The following ATP5F1A variants were observed in gnomAD, a reference collection of about 807,000 sequenced individuals.
ATP5F1A encodes the protein ATP synthase F(1) complex subunit alpha, mitochondrial.
In ATP5F1A, 24 loss-of-function variants were observed where a neutral mutation model predicts 57.4. That is an observed-to-expected ratio of 0.42 (90% CI 0.30 to 0.59). The LOEUF (loss-of-function observed/expected upper bound fraction) is 0.59. Among genes scored for constraint, ATP5F1A ranks in the 20% least tolerant of loss-of-function variants. ATP5F1A has a pLI of 0.19. For synonymous variants in ATP5F1A, 251 were observed against 255.5 expected (o/e 0.98, Z 0.17); for missense variants, 494 against 707.9 (o/e 0.70, Z 3.43).
chr18:46,086,593 T>G, intron 8 of ATP5F1A, 99 bp from the exon 9 acceptor site: 1 of 1,159,328 alleles, frequency 8.6e-7, no homozygotes, highest in Non-Finnish European at 1.2e-6. Context: ...ACTCAAAACC[T>G]AACAATGCAA....
chr18:46,087,983 T>G, intron 6 of ATP5F1A, 126 bp downstream of exon 6: 1 of 1,011,762 alleles, frequency 9.9e-7, no homozygotes, highest in Non-Finnish European at 1.5e-6. Context: ...TACCTACTGA[T>G]TTGTATTAAA....
At chr18:46,097,740 T>C in intron 1 of ATP5F1A, 1 of 846,190 alleles carries the variant, frequency 1.2e-6, no homozygotes, top group Non-Finnish European at 1.4e-6. Flanking sequence ...CTTCACACAA[T>C]GTCAGACTCC....
chr18:46,103,376 G>A (rs140720006), intron 1 of ATP5F1A, among the ~76,000 whole-genome samples: 11,096 of 151,636 alleles, frequency 0.073, 497 homozygotes, highest in African/African-American at 0.13. Context: ...CAAGGCGGGC[G>A]GATCACCTGA....
At chr18:46,093,968 G>A (rs958464867) in intron 2 of ATP5F1A, among the ~76,000 whole-genome samples, 2 of 151,848 alleles carry the variant, frequency 1.3e-5, no homozygotes, top group Non-Finnish European at 2.9e-5. Flanking sequence ...TTAGCTGGGT[G>A]TGGTGGTGGG....
At chr18:46,093,654 T>C (rs1380235947) in intron 2 of ATP5F1A, among the ~76,000 whole-genome samples, 1 of 152,090 alleles carries the variant, frequency 6.6e-6, no homozygotes, top group Non-Finnish European at 1.5e-5. Flanking sequence ...CGAAACTCTA[T>C]CTCTACTAAA....
At position 46,098,195 on chromosome 18, in the gene ATP5F1A, C is replaced by A. The variant is rs1213449397; in HGVS notation, c.37G>T (p.Ala13Ser). 6.2e-7 allele frequency: 1 copy of A among 1,606,274 alleles called. No individual in the cohort carries two copies. The highest frequency in any genetic ancestry group is 8.5e-7 in the Non-Finnish European group (1 of 1,179,078). ...SVRVAAAVVR[A>S]LPRRAGLVSR... Reference sequence around the variant, plus strand: ...ACCAGTCCGGCCCGCCGAGGAAGGGCGCGGACCACGGCCGCAGCAACGCGC... The same window carrying A: ...ACCAGTCCGGCCCGCCGAGGAAGGGAGCGGACCACGGCCGCAGCAACGCGC... Residue 13 changes from alanine to serine, a missense_variant, in exon 1 of 12, where the codon GCC becomes TCC. By Grantham distance (99) the Ala-to-Ser change is moderately conservative. Coordinates refer to ENST00000398752, the MANE Select transcript of ATP5F1A (RefSeq NM_004046.6).
chr18:46,097,158 T>G (rs1179789030), intron 1 of ATP5F1A, among the ~76,000 whole-genome samples: 1 of 152,030 alleles, frequency 6.6e-6, no homozygotes, highest in African/African-American at 2.4e-5. Flanking sequence ...CTGGTCACTG[T>G]CAATTCTGAA....
rs1327607982 is a variant in ATP5F1A at position 46,091,861 on chromosome 18, ACAATT to A, written c.140-15_140-11del. 2 of 1,603,700 alleles carry A rather than the reference ACAATT, an allele frequency of 1.2e-6. No homozygotes were observed. Among genetic ancestry groups the A allele is most frequent in the Non-Finnish European group, 1.7e-6 (2 of 1,176,856 alleles). ...GACATCTCAGCAGTCCCTATGGAAG[ACAATT>A]CAATTCAATTAAAAAAATAATCTGG... On this transcript the variant is annotated splice_polypyrimidine_tract_variant and intron_variant, in intron 2 of 11. Transcript: ENST00000398752.
chr18:46,090,143 T>A lies in ATP5F1A; in HGVS notation c.310-147A>T, dbSNP rs570246102. On this transcript the variant is annotated intron_variant, in intron 3 of 11. Coordinates refer to ENST00000398752, the MANE Select transcript of ATP5F1A (RefSeq NM_004046.6). ...GTTTATTCTTGAGTACTTTTCCAAC[T>A]AACAAACAACCCTCTCTGATTAAGA... is the stretch of plus-strand genomic sequence containing the variant. 5.9e-5 allele frequency: 41 copies of A among 692,704 alleles called. No homozygotes were observed. In the African/African-American group the frequency reaches 7.0e-4, roughly 12 times the overall value. The allele number at this position is 692,704 out of a possible 1,614,324, so 42.9% of individuals were successfully genotyped here.
At chr18:46,088,013 G>C in intron 6 of ATP5F1A, 96 bp downstream of exon 6, 1 of 1,366,246 alleles carries the variant, frequency 7.3e-7, no homozygotes, top group Non-Finnish European at 1.0e-6. Context: ...CCATTAGGAA[G>C]TAATTAAAAT....
chr18:46,092,109 G>A (rs1406191583), intron 2 of ATP5F1A: 5 of 186,730 alleles, frequency 2.7e-5, no homozygotes, highest in South Asian at 1.4e-4. Context: ...CCCAGGAGGC[G>A]GAGGTTGCGG....
chr18:46,097,576 A>G (rs1401467303), intron 1 of ATP5F1A, among the ~76,000 whole-genome samples: 3 of 152,156 alleles, frequency 2.0e-5, no homozygotes, highest in Non-Finnish European at 4.4e-5. Context: ...TGCTGGCCAC[A>G]TGAAATGGTT....
intron 1 of ATP5F1A, among the ~76,000 whole-genome samples, chr18:46,103,596 C>G (rs1258997553): frequency 9.6e-6 from 1 of 103,738 alleles, no homozygotes; most frequent in African/African-American, 4.0e-5. Context: ...GCCTGAACAA[C>G]AGAGACTCCA....
intron 1 of ATP5F1A, among the ~76,000 whole-genome samples, chr18:46,096,494 C>T (rs1426173101): frequency 3.0e-5 from 2 of 67,334 alleles, no homozygotes; most frequent in Non-Finnish European, 8.3e-5. Flanking sequence ...AAGCAAAACT[C>T]CGTCTCAAAA....
rs571109899 is a variant in ATP5F1A at position 46,080,304 on chromosome 18, T to C, written c.*3978A>G. 1 of 152,274 alleles carries C rather than the reference T, an allele frequency of 6.6e-6. No individual in the cohort carries two copies. The highest frequency in any genetic ancestry group is 2.1e-4 in the South Asian group (1 of 4,824). The allele number at this position is 152,274 out of a possible 1,614,324, so 9.4% of individuals were successfully genotyped here. On this transcript the variant is annotated 3_prime_UTR_variant, in exon 12 of 12. Transcript: ENST00000398752. ...GTCTGAAATCCATAAAACTTCACAT[T>C]TCAAAGGTCAAGTGCCTTCTCAAAT... is the stretch of plus-strand genomic sequence containing the variant.
At chr18:46,099,463 TTTTA>T (rs1911200701), upstream of ATP5F1A, 1 of 152,136 alleles carries the variant, frequency 6.6e-6, no homozygotes, top group Non-Finnish European at 1.5e-5. Context: ...ATTTATTTTA[TTTTA>T]TTTAAGACAG....
chr18:46,092,054 C>A, intron 2 of ATP5F1A: 1 of 329,498 alleles, frequency 3.0e-6, no homozygotes, highest in Non-Finnish European at 5.5e-6. Flanking sequence ...GCCTGTAATC[C>A]CAGCTACTCG....
Position 46,089,722 on chromosome 18 carries a change from C to A in ATP5F1A, c.494G>T (p.Gly165Val). ...GNAIDGKGPI[G>V]SKTRRRVGLK... Reference sequence around the variant, plus strand: ...ACCAACTCGCCTACGCGTCTTGGAACCAATTGGACCCTGTTAAAAAATAAA... The same window carrying A: ...ACCAACTCGCCTACGCGTCTTGGAAACAATTGGACCCTGTTAAAAAATAAA... Residue 165 changes from glycine (G) to valine (V), a missense_variant, in exon 5 of 12, where the codon GGT becomes GTT. Transcript: ENST00000398752. 1 of 1,613,420 alleles carries A rather than the reference C, an allele frequency of 6.2e-7. No homozygotes were observed. Among genetic ancestry groups the A allele is most frequent in the Non-Finnish European group, 8.5e-7 (1 of 1,179,814 alleles).
chr18:46,086,384 T>TA lies in ATP5F1A; in HGVS notation c.1284+2dup. On this transcript the variant is annotated splice_region_variant and intron_variant, in intron 9 of 11. Coordinates refer to ENST00000398752, the MANE Select transcript of ATP5F1A (RefSeq NM_004046.6). Reference sequence around the variant, plus strand: ...CCTTACTGCCAAAGTGATGCAAAATTACCTGCTTCATAGCCCTGGTTTGGG... The same window carrying TA: ...CCTTACTGCCAAAGTGATGCAAAATTAACCTGCTTCATAGCCCTGGTTTGGG... 6.2e-7 allele frequency: 1 copy of TA among 1,614,048 alleles called. No homozygotes were observed.
Sources: gnomAD v4.1 joint callset for allele counts (sites outside exome capture counted in the v4.1 genomes callset) on GRCh38, gnomAD v4.1.1 for gene constraint, MANE v1.5 for transcripts, NCBI Gene and HGNC (gene_info 2026-07-23, HGNC 2026-07-21) for gene names.